FLRT2: variants seen among roughly 807,000 people sequenced by gnomAD.
FLRT2 encodes the protein leucine-rich repeat transmembrane protein FLRT2.
A neutral mutation model predicts 40.0 loss-of-function variants in FLRT2; 15 were observed. The ratio of observed to expected loss-of-function variants is 0.38; its 90% CI spans 0.25 to 0.58. The LOEUF is 0.58. Among genes scored for constraint, FLRT2 ranks in the 20% least tolerant of loss-of-function variants. The pLI is 0.71. For missense variants in FLRT2, 726 were observed against 840.0 expected (o/e 0.86, Z 1.68); for synonymous variants, 380 against 336.8 (o/e 1.13, Z -1.41).
At chr14:85,544,349 C>T (rs550762651) in intron 1 of FLRT2, among the ~76,000 whole-genome samples, 8 of 152,302 alleles carry the variant, frequency 5.3e-5, no homozygotes, top group Non-Finnish European at 7.4e-5. Context: ...CTATCGGTTA[C>T]GTAGATGTTC....
rs1389781092 is a variant in FLRT2 at position 85,653,196 on chromosome 14, G to C, written c.*29699G>C. ...AGGACTTGTACATAGATAGGCTCAA[G>C]ATATTTTGAGTCACATATGTAAATG... On this transcript the variant is annotated 3_prime_UTR_variant, in exon 2 of 2. Coordinates refer to ENST00000330753, the MANE Select transcript of FLRT2 (RefSeq NM_013231.6). 2 of 152,106 alleles carry C rather than the reference G, an allele frequency of 1.3e-5. No individual in the cohort carries two copies. Among genetic ancestry groups the C allele is most frequent in the African/African-American group, 4.8e-5 (2 of 41,430 alleles). 9.4% of individuals were successfully genotyped at this position (152,106 alleles called of 1,614,324 possible).
rs374827553 is a variant in FLRT2, at chr14:85,648,517, T to C, written c.*25020T>C. ...GGGAAGTTGAGGTGGAGATGGTGGC[T>C]ATATGGTGCAGCTGTTTTCCTGATT... On this transcript the variant is annotated 3_prime_UTR_variant, in exon 2 of 2. Transcript: ENST00000330753. 1 of 152,204 alleles carries C rather than the reference T, an allele frequency of 6.6e-6. No homozygotes were observed. Among genetic ancestry groups the C allele is most frequent in the Non-Finnish European group, 1.5e-5 (1 of 68,046 alleles). 9.4% of individuals were successfully genotyped at this position (152,204 alleles called of 1,614,324 possible).
Position 85,626,128 on chromosome 14 carries a change from G to T in FLRT2, c.*2631G>T, listed in dbSNP as rs115273718. On this transcript the variant is annotated 3_prime_UTR_variant, in exon 2 of 2. Coordinates refer to ENST00000330753, the MANE Select transcript of FLRT2 (RefSeq NM_013231.6). Reference sequence around the variant, plus strand: ...GCAAAGACTGCTAAGATTAAAATCCGTCTCCCATTTGTTACAGCCTCACCT... The same window carrying T: ...GCAAAGACTGCTAAGATTAAAATCCTTCTCCCATTTGTTACAGCCTCACCT... 1 of 167,024 alleles carries T rather than the reference G, an allele frequency of 6.0e-6. No homozygotes were observed. Among genetic ancestry groups the T allele is most frequent in the Non-Finnish European group, 1.5e-5 (1 of 68,118 alleles). The allele number at this position is 167,024 out of a possible 1,614,324, so 10.3% of individuals were successfully genotyped here. A position where few individuals can be genotyped will look rare whatever the true frequency, so the allele number is the denominator to read the frequency against.
At chr14:85,563,515 G>C (rs373555598) in intron 1 of FLRT2, among the ~76,000 whole-genome samples, 126 of 152,286 alleles carry the variant, frequency 8.3e-4, no homozygotes, top group South Asian at 3.7e-3. Context: ...GGGCGAAGGG[G>C]AAGCAGGCAC....
chr14:85,544,107 T>C (rs1889135961), intron 1 of FLRT2, among the ~76,000 whole-genome samples: 1 of 152,174 alleles, frequency 6.6e-6, no homozygotes, highest in Non-Finnish European at 1.5e-5. Context: ...TCCTCAGAAG[T>C]ATTTTTTTAT....
chr14:85,597,152 T>C (rs1296224205), intron 1 of FLRT2, among the ~76,000 whole-genome samples: 3 of 152,068 alleles, frequency 2.0e-5, no homozygotes, highest in Non-Finnish European at 4.4e-5. Flanking sequence ...AAACAAAATT[T>C]AATATGAAAA....
chr14:85,556,242 T>G (rs1434724863), intron 1 of FLRT2, among the ~76,000 whole-genome samples: 1 of 152,120 alleles, frequency 6.6e-6, no homozygotes, highest in Non-Finnish European at 1.5e-5. Context: ...AATAAGCTTA[T>G]AGGGGTATAT....
Position 85,625,571 on chromosome 14 carries a change from T to C in FLRT2, c.*2074T>C, listed in dbSNP as rs1893645295. ...ATTTAAATTAATTCTAAAGTGACTC[T>C]GGTTTCCATTTTAGTCTATTAGCTA... On this transcript the variant is annotated 3_prime_UTR_variant, in exon 2 of 2. Transcript: ENST00000330753. The C allele has an allele frequency of 5.4e-5, 9 of 167,218 alleles. 1 individual carries two copies. The South Asian group carries it at 1.9e-3, about 35-fold the overall frequency. 10.4% of individuals were successfully genotyped at this position (167,218 alleles called of 1,614,324 possible).
At position 85,631,112 on chromosome 14, in the gene FLRT2, T is replaced by TATATATATATATATATATATATA. The variant is rs1893858889; in HGVS notation, c.*7615_*7616insATATATATATATATATATATATA. 132 of 91,840 alleles carry TATATATATATATATATATATATA rather than the reference T, an allele frequency of 1.4e-3. 1 individual carries two copies. Among genetic ancestry groups the TATATATATATATATATATATATA allele is most frequent in the Admixed American group, 2.0e-3 (15 of 7,466 alleles). 5.7% of individuals were successfully genotyped at this position (91,840 alleles called of 1,614,324 possible). ...TATAATTACATATATAATCTAGATT[T>TATATATATATATATATATATATA]TATATATATATATATATGAAATGAG... On this transcript the variant is annotated 3_prime_UTR_variant, in exon 2 of 2. Coordinates refer to ENST00000330753, the MANE Select transcript of FLRT2 (RefSeq NM_013231.6).
chr14:85,577,279 G>A (rs1463838517), intron 1 of FLRT2, among the ~76,000 whole-genome samples: 1 of 152,052 alleles, frequency 6.6e-6, no homozygotes, highest in East Asian at 1.9e-4. Context: ...TTTATATTTT[G>A]TCAATATATA....
At chr14:85,567,964 C>T (rs374912218) in intron 1 of FLRT2, among the ~76,000 whole-genome samples, 2 of 151,936 alleles carry the variant, frequency 1.3e-5, no homozygotes, top group East Asian at 1.9e-4. Context: ...CTATAGAGAT[C>T]AGGGGAATGT....
chr14:85,585,333 C>T (rs1431673910), intron 1 of FLRT2, among the ~76,000 whole-genome samples: 1 of 152,164 alleles, frequency 6.6e-6, no homozygotes, highest in Non-Finnish European at 1.5e-5. Flanking sequence ...AGGTTTGGTT[C>T]ATCCCAGACT....
chr14:85,532,177 G>C (rs1888326068), intron 1 of FLRT2, among the ~76,000 whole-genome samples: 1 of 152,200 alleles, frequency 6.6e-6, no homozygotes, highest in African/African-American at 2.4e-5. Context: ...ACTCTTCTGC[G>C]GGGAGAGTTG....
rs1267717125 is a variant in FLRT2, at chr14:85,651,982, T to C, written c.*28485T>C. The C allele has an allele frequency of 1.3e-5, 2 of 152,066 alleles. No homozygotes were observed. The highest frequency in any genetic ancestry group is 2.9e-5 in the Non-Finnish European group (2 of 67,966). 9.4% of individuals were successfully genotyped at this position (152,066 alleles called of 1,614,324 possible). A position where few individuals can be genotyped will look rare whatever the true frequency, so the allele number is the denominator to read the frequency against. ...GGCTGGGGCTAATGGAAAATACATC[T>C]TAAAAAGTCTTCTGTGTAAAACATG... On this transcript the variant is annotated 3_prime_UTR_variant, in exon 2 of 2. Coordinates refer to ENST00000330753, the MANE Select transcript of FLRT2 (RefSeq NM_013231.6).
intron 1 of FLRT2, among the ~76,000 whole-genome samples, chr14:85,554,545 C>T (rs1043928744): frequency 1.3e-5 from 2 of 152,184 alleles, no homozygotes; most frequent in African/African-American, 4.8e-5. Context: ...GAATCGAAAC[C>T]TCACATTCCA....
intron 1 of FLRT2, among the ~76,000 whole-genome samples, chr14:85,540,326 T>A (rs1888912047): frequency 1.3e-5 from 2 of 152,188 alleles, no homozygotes; most frequent in Non-Finnish European, 2.9e-5. Flanking sequence ...AAAGCTTGGC[T>A]TTATTTTGAT....
chr14:85,543,097 T>C (rs1344150521), intron 1 of FLRT2, among the ~76,000 whole-genome samples: 1 of 152,208 alleles, frequency 6.6e-6, no homozygotes, highest in Non-Finnish European at 1.5e-5. Flanking sequence ...TAGAGTTTAT[T>C]GTAACCTTCT....
intron 1 of FLRT2, among the ~76,000 whole-genome samples, chr14:85,598,030 C>G (rs1595068894): frequency 6.6e-6 from 1 of 152,158 alleles, no homozygotes; most frequent in Non-Finnish European, 1.5e-5. Context: ...TTATGGCTTG[C>G]CTACACTTGT....
intron 1 of FLRT2, among the ~76,000 whole-genome samples, chr14:85,534,654 G>T (rs530485191): frequency 7.2e-5 from 11 of 152,064 alleles, no homozygotes; most frequent in African/African-American, 2.7e-4. Context: ...TGGTGTTGCA[G>T]AGAGGCGGAA....
Sources: gnomAD v4.1 joint callset for allele counts (sites outside exome capture counted in the v4.1 genomes callset) on GRCh38, gnomAD v4.1.1 for gene constraint, MANE v1.5 for transcripts, NCBI Gene and HGNC (gene_info 2026-07-23, HGNC 2026-07-21) for gene names.